DPP10: variants seen among roughly 807,000 people sequenced by gnomAD.
DPP10 encodes dipeptidyl peptidase like 10, also known as inactive dipeptidyl peptidase 10.
A neutral mutation model predicts 120.9 loss-of-function variants in DPP10; 33 were observed. That is an observed-to-expected ratio of 0.27 (90% confidence interval 0.21 to 0.37). The LOEUF (loss-of-function observed/expected upper bound fraction) is 0.37. Ranked by LOEUF, DPP10 falls within the 10% of genes least tolerant of loss-of-function variation. DPP10 has a pLI of 1.00. For missense variants in DPP10, 816 were observed against 942.8 expected (o/e 0.87, Z 1.76); for synonymous variants, 337 against 326.1 (o/e 1.03, Z -0.36).
At chr2:115,500,231 A>G (rs557372587) in intron 4 of DPP10, among the ~76,000 whole-genome samples, 1 of 152,128 alleles carries the variant, frequency 6.6e-6, no homozygotes, top group South Asian at 2.1e-4. Context: ...TTGGTAAGCA[A>G]TAATGAATCA....
intron 3 of DPP10, among the ~76,000 whole-genome samples, chr2:115,384,272 G>T (rs1392579624): frequency 1.3e-5 from 2 of 152,058 alleles, no homozygotes; most frequent in Non-Finnish European, 2.9e-5. Flanking sequence ...ACTTGGGGAG[G>T]TCAAGATGGG....
chr2:114,567,277 G>T (rs959674850), intron 1 of DPP10, among the ~76,000 whole-genome samples: 2 of 152,198 alleles, frequency 1.3e-5, no homozygotes, highest in Non-Finnish European at 2.9e-5. Context: ...GAAGCTGTGA[G>T]TATGCTGTCT....
chr2:115,125,672 C>T (rs552639230), intron 1 of DPP10, among the ~76,000 whole-genome samples: 7 of 149,606 alleles, frequency 4.7e-5, no homozygotes, highest in South Asian at 4.3e-4. Flanking sequence ...CCCGGGTTCA[C>T]GCCATTCTCC....
rs957504410 is a variant in DPP10 at position 115,580,426 on chromosome 2, G to A, written c.441+54454G>A. ...TTATTATCATAACTGTTTTTATTGA[G>A]CACTTGTTATGGGCAAAAGGCTTTT... On this transcript the variant is annotated intron_variant, in intron 5 of 25. Coordinates refer to ENST00000410059, the MANE Select transcript of DPP10 (RefSeq NM_020868.6). Among the ~76,000 whole-genome samples, 4 of 151,972 alleles carry A rather than the reference G, an allele frequency of 2.6e-5. No individual in the cohort carries two copies. The East Asian group carries it at 7.8e-4, about 29-fold the overall frequency.
intron 1 of DPP10, among the ~76,000 whole-genome samples, chr2:115,259,857 TATC>T (rs1296796489): frequency 2.6e-5 from 4 of 152,128 alleles, no homozygotes; most frequent in African/African-American, 4.8e-5. Context: ...ATAATTTTAT[TATC>T]TATGTGCATT....
At chr2:114,570,076 T>TGA in intron 1 of DPP10, among the ~76,000 whole-genome samples, 1 of 152,204 alleles carries the variant, frequency 6.6e-6, no homozygotes, top group Admixed American at 6.5e-5. Context: ...TAATGGGGGA[T>TGA]GAGAAGTTTG....
At chr2:115,574,986 G>C (rs892913409) in intron 5 of DPP10, among the ~76,000 whole-genome samples, 1 of 152,148 alleles carries the variant, frequency 6.6e-6, no homozygotes, top group Non-Finnish European at 1.5e-5. Context: ...ACTCCTGCAT[G>C]GTTTCCCTGA....
chr2:114,929,264 C>T (rs980798210), intron 1 of DPP10, among the ~76,000 whole-genome samples: 2 of 152,256 alleles, frequency 1.3e-5, no homozygotes, highest in Admixed American at 6.5e-5. Flanking sequence ...TGAGGTTCCA[C>T]GTCCTGCTGC....
chr2:114,549,220 G>T (rs893585767), intron 1 of DPP10, among the ~76,000 whole-genome samples: 2 of 151,696 alleles, frequency 1.3e-5, no homozygotes, highest in African/African-American at 4.8e-5. Context: ...TCTCGGTGTC[G>T]TATGACCCAG....
chr2:115,831,235 C>CTTCTTTCTTTCTTTCT (rs55773986), intron 21 of DPP10, among the ~76,000 whole-genome samples: 2 of 151,224 alleles, frequency 1.3e-5, no homozygotes, highest in Non-Finnish European at 2.9e-5. Flanking sequence ...GCACAGATCA[C>CTTCTTTCTTTCTTTCT]TTCTTTCTTT....
chr2:115,822,467 G>A (rs1687908088), intron 21 of DPP10, among the ~76,000 whole-genome samples: 1 of 151,726 alleles, frequency 6.6e-6, no homozygotes, highest in African/African-American at 2.4e-5. Context: ...GAATCACTTT[G>A]TATCTTTTCT....
chr2:115,370,093 T>C (rs971917426), intron 3 of DPP10, among the ~76,000 whole-genome samples: 2 of 152,134 alleles, frequency 1.3e-5, no homozygotes, highest in South Asian at 2.1e-4. Context: ...GGTTTTAATA[T>C]TGAGATTTCT....
chr2:115,754,441 T>G (rs1575685309), intron 11 of DPP10, among the ~76,000 whole-genome samples: 1 of 152,200 alleles, frequency 6.6e-6, no homozygotes, highest in South Asian at 2.1e-4. Context: ...GACGTTAGAG[T>G]TCTGAACAAC....
At chr2:115,033,624 A>G (rs914147058) in intron 1 of DPP10, among the ~76,000 whole-genome samples, 9 of 151,688 alleles carry the variant, frequency 5.9e-5, no homozygotes, top group Admixed American at 2.6e-4. Context: ...TCTGATTTCT[A>G]GTTTTATTTC....
chr2:115,725,018 T>TC (rs2092732000), intron 7 of DPP10, among the ~76,000 whole-genome samples: 1 of 152,134 alleles, frequency 6.6e-6, no homozygotes, highest in Admixed American at 6.6e-5. Flanking sequence ...AGGCCTCATC[T>TC]CCAACACTAG....
At chr2:115,436,776 G>T (rs1300156183) in intron 3 of DPP10, among the ~76,000 whole-genome samples, 2 of 151,766 alleles carry the variant, frequency 1.3e-5, no homozygotes, top group African/African-American at 2.4e-5. Context: ...TCTTTTTCTG[G>T]TTCTTTAAGA....
chr2:115,434,666 A>T (rs1053985176), intron 3 of DPP10, among the ~76,000 whole-genome samples: 2 of 151,806 alleles, frequency 1.3e-5, no homozygotes, highest in African/African-American at 4.8e-5. Context: ...TCAAGCTTGT[A>T]TCTTTTCTTG....
chr2:115,405,294 T>G (rs2104524922), intron 3 of DPP10, among the ~76,000 whole-genome samples: 1 of 152,274 alleles, frequency 6.6e-6, no homozygotes, highest in East Asian at 1.9e-4. Flanking sequence ...AGACATTAAA[T>G]CTTAAAGCTC....
chr2:114,841,288 C>T (rs944386769), intron 1 of DPP10, among the ~76,000 whole-genome samples: 12 of 152,088 alleles, frequency 7.9e-5, no homozygotes, highest in Non-Finnish European at 1.6e-4. Flanking sequence ...TTCAGGAAAG[C>T]TTGTGTTTGG....
Sources: gnomAD v4.1 joint callset for allele counts (sites outside exome capture counted in the v4.1 genomes callset) on GRCh38, gnomAD v4.1.1 for gene constraint, MANE v1.5 for transcripts, NCBI Gene and HGNC (gene_info 2026-07-23, HGNC 2026-07-21) for gene names.